Variants in ECHDC3 observed in about 807,000 individuals in gnomAD.
ECHDC3 encodes the protein enoyl-CoA hydratase domain-containing protein 3, mitochondrial.
ECHDC3 carries 20 observed loss-of-function variants against 17.9 expected under a neutral mutation model. That is an observed-to-expected ratio of 1.12 (90% CI 0.79 to 1.63). The LOEUF (loss-of-function observed/expected upper bound fraction) is 1.63, where lower values mean the gene tolerates loss of function less well. Ranked by LOEUF, ECHDC3 falls within the 40% of genes most tolerant of loss-of-function variation. The probability of loss-of-function intolerance (pLI) is 0.00; values close to 1 mark genes in which losing one functional copy is unlikely to be tolerated. For missense variants in ECHDC3, 407 were observed against 357.7 expected (o/e 1.14, Z -1.11); for synonymous variants, 177 against 149.7 (o/e 1.18, Z -1.33).
chr10:11,763,949 C>T lies in ECHDC3; in HGVS notation c.*405C>T, dbSNP rs1339162021. ...TCCTGGCTGCTCAGGAGAGGCGACA[C>T]ATTTCAAATCTCCACGAGATATTCT... On this transcript the variant is annotated 3_prime_UTR_variant, in exon 5 of 5. Coordinates refer to ENST00000379215, the MANE Select transcript of ECHDC3 (RefSeq NM_024693.5). The surrounding 1 kb of genome is among the most constrained non-coding windows in gnomAD (Gnocchi z 4.9). 4 of 997,644 alleles carry T rather than the reference C, an allele frequency of 4.0e-6. No homozygotes were observed. In the East Asian group the frequency reaches 3.3e-4, roughly 81 times the overall value. The allele number at this position is 997,644 out of a possible 1,614,324, so 61.8% of individuals were successfully genotyped here.
At chr10:11,755,178 T>C (rs1030718768) in intron 3 of ECHDC3, among the ~76,000 whole-genome samples, 1 of 152,040 alleles carries the variant, frequency 6.6e-6, no homozygotes, top group Non-Finnish European at 1.5e-5. Flanking sequence ...AAAAAAAATT[T>C]AGCTGGGCGT....
chr10:11,761,285 T>TG (rs1397157406), intron 4 of ECHDC3, among the ~76,000 whole-genome samples: 1 of 152,126 alleles, frequency 6.6e-6, no homozygotes, highest in Non-Finnish European at 1.5e-5. Context: ...CACAGCTTGG[T>TG]GGGGGGTAGG....
chr10:11,755,577 G>C lies in ECHDC3; in HGVS notation c.560G>C (p.Gly187Ala), dbSNP rs1475084662. The C allele has an allele frequency of 1.2e-6, 2 of 1,613,764 alleles. No homozygotes were observed. Among genetic ancestry groups the C allele is most frequent in the Non-Finnish European group, 1.7e-6 (2 of 1,179,898 alleles). ...GTCGGGCTCTTCTGTTCTACCCCTG[G>C]GGTTGCCTTGGCAAGAGCAGTGCCT... is the stretch of plus-strand genomic sequence containing the variant. Reference protein sequence around the residue: ...VNVGLFCSTPGVALARAVPRK... With the variant: ...VNVGLFCSTPAVALARAVPRK... Residue 187 changes from glycine (G) to alanine (A), a missense_variant, in exon 4 of 5, where the codon GGG becomes GCG. Physicochemically the swap from Gly to Ala is moderately conservative, Grantham distance 60 (BLOSUM62 0). Transcript: ENST00000379215.
intron 3 of ECHDC3, 177 bp from the exon 4 acceptor site, chr10:11,755,231 C>T (rs998827524): frequency 6.9e-5 from 39 of 561,984 alleles, no homozygotes; most frequent in African/African-American, 6.4e-4. Context: ...GAGGCTGAGG[C>T]AGGAGGATGG....
chr10:11,747,506 T>C, intron 2 of ECHDC3, 36 bp downstream of exon 2: 1 of 1,607,336 alleles, frequency 6.2e-7, no homozygotes, highest in South Asian at 1.1e-5. Flanking sequence ...TATTCTGCAG[T>C]GCCCACAAGA....
intron 4 of ECHDC3, among the ~76,000 whole-genome samples, chr10:11,762,295 G>A (rs1461500236): frequency 6.6e-6 from 1 of 152,188 alleles, no homozygotes; most frequent in Non-Finnish European, 1.5e-5. Flanking sequence ...GAGGGCGTGT[G>A]CCAGGATGAC....
chr10:11,761,392 G>A (rs80312073), intron 4 of ECHDC3, among the ~76,000 whole-genome samples: 8,889 of 152,210 alleles, frequency 0.058, 353 homozygotes, highest in East Asian at 0.21. Context: ...TTATCCAAAC[G>A]TCAGTATCAC....
chr10:11,746,208 A>G (rs982644072), intron 1 of ECHDC3, among the ~76,000 whole-genome samples: 8 of 152,014 alleles, frequency 5.3e-5, no homozygotes, highest in African/African-American at 4.8e-5. Context: ...CACACCTGCA[A>G]TCCCAGCTAC....
rs534702520 is a variant in ECHDC3, at chr10:11,759,634, G to C, written c.592-3590G>C. Among the ~76,000 whole-genome samples, 32 of 152,324 alleles carry C rather than the reference G, an allele frequency of 2.1e-4. 1 individual carries two copies. The highest frequency in any genetic ancestry group is 2.0e-3 in the Admixed American group (30 of 15,302). On this transcript the variant is annotated intron_variant, in intron 4 of 4. Coordinates refer to ENST00000379215, the MANE Select transcript of ECHDC3 (RefSeq NM_024693.5). ...CACCCATGCAAAGGGGCATGACGTG[G>C]GGAGAGTCCCTTGTGGGCTGTAGCA...
At chr10:11,762,478 C>T (rs952815494) in intron 4 of ECHDC3, among the ~76,000 whole-genome samples, 41 of 152,168 alleles carry the variant, frequency 2.7e-4, no homozygotes, top group African/African-American at 9.9e-4. Context: ...ACCTGGGGAC[C>T]CCTCTTTTCC....
chr10:11,742,494 C>A lies in ECHDC3; in HGVS notation c.-83C>A, dbSNP rs544949429. On this transcript the variant is annotated 5_prime_UTR_variant, in exon 1 of 5. Transcript: ENST00000379215. ...TCCGTCGAGTTCCGTCCCGGCCCTGCTCACAGCAGCGCCCTCGGAGCGCCC... is the reference window on the plus strand; with the variant it reads ...TCCGTCGAGTTCCGTCCCGGCCCTGATCACAGCAGCGCCCTCGGAGCGCCC... 229 of 1,214,566 alleles carry A rather than the reference C, an allele frequency of 1.9e-4. No homozygotes were observed. In the African/African-American group the frequency reaches 2.9e-3, roughly 16 times the overall value. The allele number at this position is 1,214,566 out of a possible 1,614,324, so 75.2% of individuals were successfully genotyped here.
intron 3 of ECHDC3, among the ~76,000 whole-genome samples, chr10:11,750,963 A>T (rs1473896116): frequency 2.6e-5 from 4 of 152,214 alleles, no homozygotes; most frequent in African/African-American, 9.7e-5. Context: ...ACATGGAAGG[A>T]TAAACAGGAA....
In ECHDC3 at chr10:11,747,502, G is replaced by T. The variant is rs764575453; in HGVS notation, c.292+32G>T. The T allele has an allele frequency of 3.7e-6, 6 of 1,608,394 alleles. No homozygotes were observed. The South Asian group carries it at 5.5e-5, about 15-fold the overall frequency. ...ATCTGATATCTGTCCTTAGTATTCT[G>T]CAGTGCCCACAAGAGCTTTCTGAGT... On this transcript the variant is annotated intron_variant, in intron 2 of 4. Transcript: ENST00000379215.
chr10:11,743,317 A>G (rs191653596), intron 1 of ECHDC3, among the ~76,000 whole-genome samples: 1 of 152,324 alleles, frequency 6.6e-6, no homozygotes. Context: ...GTGTTTCAGC[A>G]TGTTTCAGTT....
At chr10:11,755,789 G>C (rs995703331) in intron 4 of ECHDC3, 181 bp downstream of exon 4, 10 of 573,004 alleles carry the variant, frequency 1.7e-5, no homozygotes, top group Middle Eastern at 4.6e-4. Context: ...GGGAAGAGCC[G>C]ACCGCCTGCC....
chr10:11,763,531 A>G lies in ECHDC3; in HGVS notation c.899A>G (p.His300Arg). Residue 300 changes from histidine to arginine, a missense_variant, in exon 5 of 5, where the codon CAC becomes CGC. By Grantham distance (29) the His-to-Arg change is conservative. Coordinates refer to ENST00000379215, the MANE Select transcript of ECHDC3 (RefSeq NM_024693.5). The surrounding 1 kb of genome is among the most constrained non-coding windows in gnomAD (Gnocchi z 4.9). ...FLQKRKPVWS[H>R]EPV is the part of the protein sequence containing the mutation. ...CAGAAGAGAAAACCTGTCTGGTCACACGAGCCAGTGTGAGTGGAGGCAGAG... is the reference window on the plus strand; with the variant it reads ...CAGAAGAGAAAACCTGTCTGGTCACGCGAGCCAGTGTGAGTGGAGGCAGAG... The G allele has an allele frequency of 6.7e-7, 1 of 1,485,170 alleles. No homozygotes were observed. The highest frequency in any genetic ancestry group is 9.1e-7 in the Non-Finnish European group (1 of 1,095,686). The allele number at this position is 1,485,170 out of a possible 1,614,324, so 92.0% of individuals were successfully genotyped here. A position where few individuals can be genotyped will look rare whatever the true frequency, so the allele number is the denominator to read the frequency against.
chr10:11,744,883 G>T (rs1832743691), intron 1 of ECHDC3, among the ~76,000 whole-genome samples: 1 of 152,216 alleles, frequency 6.6e-6, no homozygotes, highest in East Asian at 1.9e-4. Flanking sequence ...ATGAACGCGT[G>T]CACCTGGAGC....
At chr10:11,747,233 C>A in intron 1 of ECHDC3, 116 bp from the exon 2 acceptor site, 1 of 1,358,532 alleles carries the variant, frequency 7.4e-7, no homozygotes, top group East Asian at 2.5e-5. Flanking sequence ...CACTAAGCCC[C>A]AGCAGTTCTC....
chr10:11,755,664 T>C, intron 4 of ECHDC3, 56 bp downstream of exon 4: 2 of 1,481,488 alleles, frequency 1.3e-6, no homozygotes, highest in Non-Finnish European at 1.8e-6. Flanking sequence ...GAGTTCCTCC[T>C]CCAGTGCATG....
Sources: allele counts gnomAD v4.1 joint callset (sites outside exome capture counted in the v4.1 genomes callset), GRCh38; gene constraint gnomAD v4.1.1; non-coding constraint Gnocchi (gnomAD v3.1); transcripts MANE v1.5; gene names NCBI Gene and HGNC (gene_info 2026-07-23, HGNC 2026-07-21).